The following TP63 variants were observed in gnomAD, a reference collection of about 807,000 sequenced individuals.
TP63 encodes tumor protein p63.
In TP63, 17 loss-of-function variants were observed where a neutral mutation model predicts 82.8. That is an observed-to-expected ratio of 0.21 (90% CI 0.14 to 0.31). The LOEUF (loss-of-function observed/expected upper bound fraction) is 0.31. TP63 is among the 10% of genes least tolerant of loss of function. The probability of loss-of-function intolerance (pLI) is 1.00; values close to 1 mark genes in which losing one functional copy is unlikely to be tolerated. For synonymous variants in TP63, 330 were observed against 321.7 expected, an observed-to-expected ratio of 1.03 and a Z score of -0.28; for missense variants, 648 against 895.3, an observed-to-expected ratio of 0.72 and a Z score of 3.52.
chr3:189,781,667 C>T (rs1724246660), intron 3 of TP63, among the ~76,000 whole-genome samples: 1 of 152,028 alleles, frequency 6.6e-6, no homozygotes, highest in Non-Finnish European at 1.5e-5. Context: ...CAAAATACAG[C>T]CTCCAGAAAG....
In TP63 at chr3:189,766,197, A is replaced by G. The variant is rs147622078; in HGVS notation, c.324+27423A>G. ...TGGCCAACATAGCAAGACCTCATCT[A>G]AAAAAATAATAACTAGTGAAAGCAT... On this transcript the variant is annotated intron_variant, in intron 3 of 13. Transcript: ENST00000264731. Among the ~76,000 whole-genome samples, 104 of 152,202 alleles carry G rather than the reference A, an allele frequency of 6.8e-4. No homozygotes were observed. The Middle Eastern group carries it at 0.027, about 40-fold the overall frequency.
chr3:189,608,509 C>A, the TP63 span, among the ~76,000 whole-genome samples: 1 of 152,110 alleles, frequency 6.6e-6, no homozygotes. Context: ...CATTAGATAA[C>A]AACAGATCAA....
At chr3:189,668,673 A>G (rs1402965829) in intron 1 of TP63, among the ~76,000 whole-genome samples, 1 of 152,146 alleles carries the variant, frequency 6.6e-6, no homozygotes. Flanking sequence ...TGTTTAACTA[A>G]TATCCTAGAA....
intron 1 of TP63, among the ~76,000 whole-genome samples, chr3:189,701,522 CATATATATATATAT>C (rs35031313): frequency 7.3e-6 from 1 of 136,782 alleles, no homozygotes; most frequent in South Asian, 2.3e-4. Context: ...GATATATATA[CATATATATATATAT>C]ATATATATAT....
intron 3 of TP63, among the ~76,000 whole-genome samples, chr3:189,779,814 T>C (rs1576938301): frequency 6.6e-6 from 1 of 152,158 alleles, no homozygotes; most frequent in Non-Finnish European, 1.5e-5. Context: ...AGACTTATTA[T>C]ATGGATCAAA....
At chr3:189,824,140 C>T (rs1729083880) in intron 4 of TP63, among the ~76,000 whole-genome samples, 2 of 152,112 alleles carry the variant, frequency 1.3e-5, no homozygotes, top group South Asian at 4.1e-4. Context: ...ATATTTTTCT[C>T]CCAGGCTGAT....
chr3:189,819,747 CTT>C (rs367763002), intron 4 of TP63, among the ~76,000 whole-genome samples: 168 of 89,822 alleles, frequency 1.9e-3, no homozygotes, highest in African/African-American at 6.8e-3. Flanking sequence ...TATATTTTAC[CTT>C]TTTTTTTTTT....
intron 1 of TP63, among the ~76,000 whole-genome samples, chr3:189,667,597 G>T (rs17504872): frequency 6.6e-6 from 1 of 152,036 alleles, no homozygotes; most frequent in South Asian, 2.1e-4. Flanking sequence ...ATCTTTACAA[G>T]CTCAGGAAGA....
At chr3:189,871,602 G>A (rs992041059) in intron 9 of TP63, among the ~76,000 whole-genome samples, 5 of 152,132 alleles carry the variant, frequency 3.3e-5, no homozygotes, top group Non-Finnish European at 7.4e-5. Context: ...AGCAACTGGG[G>A]TAAGGCAGTT....
At position 189,720,701 on chromosome 3, in the gene TP63, T is replaced by C. The variant is rs147525473; in HGVS notation, c.63-17039T>C. Among the ~76,000 whole-genome samples, 86 of 137,538 alleles carry C rather than the reference T, an allele frequency of 6.3e-4. 1 individual carries two copies. In the East Asian group the frequency reaches 0.018, roughly 29 times the overall value. 90.2% of individuals were successfully genotyped at this position (137,538 alleles called of 152,430 possible). On this transcript the variant is annotated intron_variant, in intron 1 of 13. Coordinates refer to ENST00000264731, the MANE Select transcript of TP63 (RefSeq NM_003722.5). ...GTGAGCTGAGACTATGCCATTGCAC[T>C]CCAGCCTGGGCAACAAGAGTGAAAC...
intron 1 of TP63, among the ~76,000 whole-genome samples, chr3:189,670,689 G>A (rs192244110): frequency 5.2e-4 from 79 of 152,172 alleles, no homozygotes; most frequent in Non-Finnish European, 9.3e-4. Context: ...ACAGTCTGGT[G>A]TTGGTATAAA....
chr3:189,737,651 T>G lies in TP63; in HGVS notation c.63-89T>G, dbSNP rs1037088791. ...TGCATGGTTTTATAGATTCACTTGA[T>G]GTTTTCATGATAGAGTATGCTTTAA... is the stretch of plus-strand genomic sequence containing the variant. On this transcript the variant is annotated intron_variant, in intron 1 of 13. Coordinates refer to ENST00000264731, the MANE Select transcript of TP63 (RefSeq NM_003722.5). 4.8e-6 allele frequency: 7 copies of G among 1,457,850 alleles called. No homozygotes were observed. The East Asian group carries it at 6.9e-5, about 14-fold the overall frequency. 90.3% of individuals were successfully genotyped at this position (1,457,850 alleles called of 1,614,324 possible).
intron 9 of TP63, among the ~76,000 whole-genome samples, chr3:189,869,648 T>A (rs937898799): frequency 1.3e-5 from 2 of 151,972 alleles, no homozygotes; most frequent in Non-Finnish European, 2.9e-5. Context: ...AGTTCTCTTC[T>A]GAGTTGCAAA....
At chr3:189,875,623 T>TATATAC (rs1719056619) in intron 10 of TP63, among the ~76,000 whole-genome samples, 1 of 107,834 alleles carries the variant, frequency 9.3e-6, no homozygotes, top group Non-Finnish European at 2.0e-5. Flanking sequence ...TATATATATA[T>TATATAC]ATATATATAT....
chr3:189,869,791 G>A (rs1201584930), intron 9 of TP63, among the ~76,000 whole-genome samples: 1 of 151,234 alleles, frequency 6.6e-6, no homozygotes, highest in African/African-American at 2.4e-5. Context: ...ACTTCCCAAA[G>A]GACTCACCTT....
At chr3:189,837,032 G>A (rs370903336) in intron 4 of TP63, among the ~76,000 whole-genome samples, 1 of 152,302 alleles carries the variant, frequency 6.6e-6, no homozygotes, top group African/African-American at 2.4e-5. Context: ...AGTTTGGAAA[G>A]TAGGGGAATG....
rs34188015 is a variant in TP63, at chr3:189,869,011, T to TA, written c.1129+296dup. Among the ~76,000 whole-genome samples, 25,400 of 152,136 alleles carry TA rather than the reference T, an allele frequency of 0.17. 2,614 individuals are homozygous for TA. Among genetic ancestry groups the TA allele is most frequent in the Non-Finnish European group, 0.23 (15,516 of 67,964 alleles). ...TATTCACAGACACACACCAGCAAGA[T>TA]ACGGGCTTTCCTGCAACATTACTTA... On this transcript the variant is annotated intron_variant, in intron 8 of 13. Coordinates refer to ENST00000264731, the MANE Select transcript of TP63 (RefSeq NM_003722.5).
intron 3 of TP63, among the ~76,000 whole-genome samples, chr3:189,758,142 A>G (rs1722320357): frequency 6.6e-6 from 1 of 152,212 alleles, no homozygotes; most frequent in South Asian, 2.1e-4. Context: ...ACCTCAGATC[A>G]TCAGGTATTA....
At position 189,889,393 on chromosome 3, in the gene TP63, C is replaced by G. The variant is rs1406340341; in HGVS notation, c.1561C>G (p.Pro521Ala). Residue 521 changes from proline (P) to alanine (A), a missense_variant, in exon 12 of 14, where the codon CCC becomes GCC. Around this residue, in one of 5 missense-constraint regions of TP63, gnomAD observed 342 missense variants for 425.7 expected, o/e 0.80. Transcript: ENST00000264731. Reference sequence around the variant, plus strand: ...GGCTGGAGACATGAATGGACTCAGCCCCACCCAGGCACTCCCTCCCCCACT... The same window carrying G: ...GGCTGGAGACATGAATGGACTCAGCGCCACCCAGGCACTCCCTCCCCCACT... ...PMAGDMNGLS[P>A]TQALPPPLSM... 1.9e-6 allele frequency: 3 copies of G among 1,614,142 alleles called. No homozygotes were observed. Among genetic ancestry groups the G allele is most frequent in the African/African-American group, 1.3e-5 (1 of 75,016 alleles).
Sources: gnomAD v4.1 joint callset for allele counts (sites outside exome capture counted in the v4.1 genomes callset) on GRCh38, gnomAD v4.1.1 for gene constraint, gnomAD v4.1.1 regional missense constraint, MANE v1.5 for transcripts, NCBI Gene and HGNC (gene_info 2026-07-23, HGNC 2026-07-21) for gene names.